PPP1R1C: variants seen among roughly 807,000 people sequenced by gnomAD.
The protein encoded by PPP1R1C is protein phosphatase 1 regulatory subunit 1C.
PPP1R1C carries 15 observed loss-of-function variants against 17.4 expected under a neutral mutation model. That is an observed-to-expected ratio of 0.86 (90% CI 0.58 to 1.33). The LOEUF is 1.33. PPP1R1C is among the 40% of genes most tolerant of loss of function. The pLI is 0.00. For synonymous variants in PPP1R1C, 35 were observed against 43.1 expected, an observed-to-expected ratio of 0.81 and a Z score of 0.73; for missense variants, 143 against 130.0, an observed-to-expected ratio of 1.10 and a Z score of -0.48.
rs559650603 is a variant in PPP1R1C, at chr2:182,051,898, G to T, written c.143-9544G>T. Among the ~76,000 whole-genome samples, 34 of 152,174 alleles carry T rather than the reference G, an allele frequency of 2.2e-4. No individual in the cohort carries two copies. In the East Asian group the frequency reaches 5.6e-3, roughly 25 times the overall value. On this transcript the variant is annotated intron_variant, in intron 2 of 4. Coordinates refer to ENST00000682840, the MANE Select transcript of PPP1R1C (RefSeq NM_001080545.3). The stretch of plus-strand genomic sequence containing the variant: ...CATCTGCAATCCCAGCTACTCAGGA[G>T]GCTGAGGCAGGAGAATTGCTTGAAC...
intron 4 of PPP1R1C, among the ~76,000 whole-genome samples, chr2:182,064,929 C>G (rs1373840188): frequency 6.6e-6 from 1 of 152,080 alleles, no homozygotes; most frequent in Non-Finnish European, 1.5e-5. Flanking sequence ...ATGATTTCCT[C>G]TGCTCTATTT....
intron 2 of PPP1R1C, among the ~76,000 whole-genome samples, chr2:182,061,147 A>G (rs1687837978): frequency 1.3e-5 from 2 of 152,044 alleles, no homozygotes; most frequent in African/African-American, 4.8e-5. Context: ...GGCTGATGAC[A>G]CCTAACTTTG....
In PPP1R1C at chr2:181,990,315, A is replaced by AT. The variant is rs55860045; in HGVS notation, c.142+2426dup. Among the ~76,000 whole-genome samples, 457 of 147,494 alleles carry AT rather than the reference A, an allele frequency of 3.1e-3. 2 individuals carry two copies. Among genetic ancestry groups the AT allele is most frequent in the African/African-American group, 0.01 (413 of 40,268 alleles). On this transcript the variant is annotated intron_variant, in intron 2 of 4. Coordinates refer to ENST00000682840, the MANE Select transcript of PPP1R1C (RefSeq NM_001080545.3). Reference sequence around the variant, plus strand: ...CACCACGCCCGGCTAATTTTTTTGTATTTTTTTTTTAGTAGAGACGGGGTT... The same window carrying AT: ...CACCACGCCCGGCTAATTTTTTTGTATTTTTTTTTTTAGTAGAGACGGGGTT...
At chr2:182,039,946 G>A (rs1272039280) in intron 2 of PPP1R1C, among the ~76,000 whole-genome samples, 2 of 151,996 alleles carry the variant, frequency 1.3e-5, no homozygotes, top group African/African-American at 2.4e-5. Context: ...CAGAATAATG[G>A]CCTCTAGCTC....
Position 182,029,075 on chromosome 2 carries a change from C to T in PPP1R1C, c.143-32367C>T, listed in dbSNP as rs535853111. ...TTTTCCCTTGGCTTGGTAGATCTTC[C>T]TCCATCCTTTTATTTTGAGCCTATG... On this transcript the variant is annotated intron_variant, in intron 2 of 4. Transcript: ENST00000682840. 2.8e-5 allele frequency among the ~76,000 whole-genome samples: 4 copies of T among 143,882 alleles called. No individual in the cohort carries two copies. The South Asian group carries it at 9.4e-4, about 34-fold the overall frequency. 94.4% of individuals were successfully genotyped at this position (143,882 alleles called of 152,430 possible).
At chr2:182,061,358 T>C in intron 2 of PPP1R1C, 84 bp from the exon 3 acceptor site, 1 of 942,890 alleles carries the variant, frequency 1.1e-6, no homozygotes, top group South Asian at 1.8e-5. Flanking sequence ...AAATCATTTT[T>C]ATCCGTGTTG....
chr2:182,005,108 T>C (rs1013834528), intron 2 of PPP1R1C, among the ~76,000 whole-genome samples: 3 of 152,196 alleles, frequency 2.0e-5, no homozygotes, highest in Non-Finnish European at 4.4e-5. Flanking sequence ...GTAAGCACAA[T>C]GTGCTTATAA....
At chr2:182,119,519 A>C (rs564386726), downstream of PPP1R1C, among the ~76,000 whole-genome samples, 1,295 of 152,190 alleles carry the variant, frequency 8.5e-3, 11 homozygotes, top group African/African-American at 0.01. Flanking sequence ...TACAGTCCCA[A>C]CAACAGTGTA....
chr2:182,122,145 T>C (rs1465653415), downstream of PPP1R1C, among the ~76,000 whole-genome samples: 2 of 152,154 alleles, frequency 1.3e-5, no homozygotes, highest in Non-Finnish European at 2.9e-5. Flanking sequence ...GATTCTTGAC[T>C]AGAGTTATTT....
At chr2:182,084,795 G>T (rs1453102682) in intron 4 of PPP1R1C, among the ~76,000 whole-genome samples, 2 of 152,028 alleles carry the variant, frequency 1.3e-5, no homozygotes, top group African/African-American at 4.8e-5. Flanking sequence ...GTGAAAAAAT[G>T]ATGTTGATGT....
intron 4 of PPP1R1C, among the ~76,000 whole-genome samples, chr2:182,077,903 G>A (rs1055555495): frequency 2.0e-5 from 3 of 152,208 alleles, no homozygotes; most frequent in East Asian, 1.9e-4. Context: ...AACCCTTGCC[G>A]GGCGTGGTGG....
intron 2 of PPP1R1C, among the ~76,000 whole-genome samples, chr2:182,016,709 G>A (rs1686270894): frequency 6.6e-6 from 1 of 152,146 alleles, no homozygotes; most frequent in South Asian, 2.1e-4. Context: ...GCTGAAATAT[G>A]ATAATACTAC....
downstream of PPP1R1C, among the ~76,000 whole-genome samples, chr2:182,121,964 A>G (rs993142381): frequency 2.6e-5 from 4 of 152,150 alleles, no homozygotes; most frequent in Non-Finnish European, 5.9e-5. Flanking sequence ...CTTTGATAAA[A>G]TGTCATCAGT....
chr2:182,124,314 G>GTTT (rs796745919), intron 5 of PPP1R1C, among the ~76,000 whole-genome samples: 4 of 42,096 alleles, frequency 9.5e-5, no homozygotes, highest in African/African-American at 1.4e-4. Flanking sequence ...GTTTTTTTTT[G>GTTT]TTTTTTTTTT....
intron 4 of PPP1R1C, among the ~76,000 whole-genome samples, chr2:182,069,105 G>T (rs1162761633): frequency 1.3e-5 from 2 of 152,104 alleles, no homozygotes; most frequent in African/African-American, 4.8e-5. Context: ...CCCTCTGTGG[G>T]TGTTCTTCAG....
At chr2:182,029,538 G>T (rs1686747032) in intron 2 of PPP1R1C, among the ~76,000 whole-genome samples, 1 of 145,580 alleles carries the variant, frequency 6.9e-6, no homozygotes, top group Admixed American at 6.8e-5. Flanking sequence ...TTGAATATTG[G>T]CCCCCACTCT....
exon 6 of PPP1R1C, chr2:182,129,209 A>G (rs1405876797): frequency 1.3e-5 from 2 of 152,154 alleles, no homozygotes; most frequent in South Asian, 2.1e-4. Flanking sequence ...TTATTACACC[A>G]TTTGCCAAGT....
At chr2:181,970,247 C>T (rs1442885712) in intron 1 of PPP1R1C, among the ~76,000 whole-genome samples, 1 of 151,676 alleles carries the variant, frequency 6.6e-6, no homozygotes, top group African/African-American at 2.4e-5. Flanking sequence ...TCTTTGCAGT[C>T]TGTGCTTATT....
At chr2:181,993,848 G>C (rs1224449771) in intron 2 of PPP1R1C, among the ~76,000 whole-genome samples, 1 of 151,938 alleles carries the variant, frequency 6.6e-6, no homozygotes, top group Non-Finnish European at 1.5e-5. Flanking sequence ...TAGTGACAAG[G>C]CTTGCTACAT....
Sources: gnomAD v4.1 joint callset for allele counts (sites outside exome capture counted in the v4.1 genomes callset) on GRCh38, gnomAD v4.1.1 for gene constraint, MANE v1.5 for transcripts, NCBI Gene and HGNC (gene_info 2026-07-23, HGNC 2026-07-21) for gene names.